Variants in FHIT observed in about 807,000 individuals in gnomAD.
The protein encoded by FHIT is bis(5'-adenosyl)-triphosphatase.
Under a neutral mutation model 17.9 loss-of-function variants are expected in FHIT, and 19 were observed. The ratio of observed to expected loss-of-function variants is 1.06; its 90% CI spans 0.74 to 1.56. FHIT has a LOEUF of 1.56. Ranked by LOEUF, FHIT falls within the 40% of genes most tolerant of loss-of-function variation. The pLI is 0.00. For missense variants in FHIT, 248 were observed against 189.2 expected, an observed-to-expected ratio of 1.31 and a Z score of -1.82; for synonymous variants, 81 against 69.7, an observed-to-expected ratio of 1.16 and a Z score of -0.81.
At chr3:60,607,519 C>A (rs1231519436) in intron 4 of FHIT, among the ~76,000 whole-genome samples, 1 of 151,856 alleles carries the variant, frequency 6.6e-6, no homozygotes, top group Admixed American at 6.6e-5. Context: ...CAGAGCAACT[C>A]ATCAGGGTGA....
intron 7 of FHIT, among the ~76,000 whole-genome samples, chr3:59,961,125 T>C (rs3772464): frequency 0.22 from 32,715 of 152,098 alleles, 4,305 homozygotes; most frequent in East Asian, 0.48. Context: ...AAATTTACCA[T>C]GACTAATTGG....
intron 3 of FHIT, among the ~76,000 whole-genome samples, chr3:60,906,759 G>A (rs1553764664): frequency 6.6e-6 from 1 of 152,120 alleles, no homozygotes; most frequent in Non-Finnish European, 1.5e-5. Context: ...TGAGCTGTGT[G>A]CTTATAATTT....
intron 5 of FHIT, among the ~76,000 whole-genome samples, chr3:60,129,258 G>C (rs1699417424): frequency 6.6e-6 from 1 of 151,902 alleles, no homozygotes; most frequent in South Asian, 2.1e-4. Flanking sequence ...TCACCATGTT[G>C]GCAGGGATGG....
chr3:60,133,928 T>C (rs1699702340), intron 5 of FHIT, among the ~76,000 whole-genome samples: 1 of 151,902 alleles, frequency 6.6e-6, no homozygotes, highest in South Asian at 2.1e-4. Context: ...TGTCATTCAA[T>C]CTAAAATCAG....
intron 2 of FHIT, among the ~76,000 whole-genome samples, chr3:61,172,236 A>T (rs2038026645): frequency 6.6e-6 from 1 of 152,244 alleles, no homozygotes; most frequent in Non-Finnish European, 1.5e-5. Flanking sequence ...CAACTATGCA[A>T]GAGCATATAT....
chr3:60,358,024 T>G (rs1699749130), intron 5 of FHIT, among the ~76,000 whole-genome samples: 1 of 152,186 alleles, frequency 6.6e-6, no homozygotes, highest in Non-Finnish European at 1.5e-5. Context: ...ACCTCTGGAA[T>G]CAAAACTCAG....
intron 5 of FHIT, among the ~76,000 whole-genome samples, chr3:60,379,429 CATTA>C (rs775962272): frequency 5.3e-5 from 8 of 151,982 alleles, no homozygotes; most frequent in Non-Finnish European, 1.0e-4. Flanking sequence ...TAATCTGAAA[CATTA>C]ATTAAATATG....
intron 5 of FHIT, among the ~76,000 whole-genome samples, chr3:60,463,424 A>C (rs189169326): frequency 2.0e-5 from 3 of 152,352 alleles, no homozygotes; most frequent in Admixed American, 2.0e-4. Context: ...CTAACCAATG[A>C]AACACTAACT....
intron 2 of FHIT, among the ~76,000 whole-genome samples, chr3:61,168,750 A>C (rs903612943): frequency 1.3e-5 from 2 of 152,224 alleles, no homozygotes; most frequent in Admixed American, 1.3e-4. Flanking sequence ...GTTCAAGTGC[A>C]TACGCTCAAT....
intron 1 of FHIT, among the ~76,000 whole-genome samples, chr3:61,204,606 T>C (rs548481535): frequency 6.6e-6 from 1 of 150,866 alleles, no homozygotes; most frequent in Non-Finnish European, 1.5e-5. Context: ...GGAATCAGGG[T>C]AAGTACATCT....
chr3:60,670,932 T>C (rs1466401553), intron 4 of FHIT, among the ~76,000 whole-genome samples: 1 of 152,192 alleles, frequency 6.6e-6, no homozygotes, highest in African/African-American at 2.4e-5. Context: ...CCAACCTGTG[T>C]CATATTCTCA....
chr3:60,717,926 T>C (rs1412477096), intron 4 of FHIT, among the ~76,000 whole-genome samples: 1 of 152,188 alleles, frequency 6.6e-6, no homozygotes, highest in African/African-American at 2.4e-5. Context: ...CTTAGGATAC[T>C]CAGGCATCAT....
At chr3:60,515,696 G>A (rs1032274957) in intron 5 of FHIT, among the ~76,000 whole-genome samples, 2 of 152,080 alleles carry the variant, frequency 1.3e-5, no homozygotes, top group Admixed American at 1.3e-4. Context: ...CAATAATGGA[G>A]CTTATATTTG....
chr3:59,885,762 C>A (rs543557582), intron 8 of FHIT, among the ~76,000 whole-genome samples: 2 of 152,134 alleles, frequency 1.3e-5, no homozygotes, highest in Non-Finnish European at 2.9e-5. Context: ...AGGACATGAG[C>A]GCTGCTTTCA....
chr3:59,905,405 G>T (rs2107106597), intron 8 of FHIT, among the ~76,000 whole-genome samples: 1 of 152,292 alleles, frequency 6.6e-6, no homozygotes, highest in South Asian at 2.1e-4. Flanking sequence ...ACATTTTATG[G>T]TAGAAGGGCA....
At chr3:59,892,678 T>C (rs1302707036) in intron 8 of FHIT, among the ~76,000 whole-genome samples, 1 of 152,192 alleles carries the variant, frequency 6.6e-6, no homozygotes, top group African/African-American at 2.4e-5. Flanking sequence ...GGGATATGTT[T>C]AATCACCTCT....
At chr3:60,731,605 T>C (rs1017391972) in intron 4 of FHIT, among the ~76,000 whole-genome samples, 1 of 152,154 alleles carries the variant, frequency 6.6e-6, no homozygotes. Context: ...ATGCTTCCCT[T>C]ACCTATCAAG....
chr3:60,881,544 C>G (rs1704979374), intron 3 of FHIT, among the ~76,000 whole-genome samples: 1 of 152,090 alleles, frequency 6.6e-6, no homozygotes, highest in South Asian at 2.1e-4. Flanking sequence ...CAAAATAAGT[C>G]TCGACAAATT....
At chr3:60,741,045 A>T (rs1281090469) in intron 4 of FHIT, among the ~76,000 whole-genome samples, 1 of 152,236 alleles carries the variant, frequency 6.6e-6, no homozygotes, top group East Asian at 1.9e-4. Flanking sequence ...CCAGGGACAT[A>T]TATATTTTGG....
Sources: allele counts gnomAD v4.1 joint callset (sites outside exome capture counted in the v4.1 genomes callset), GRCh38; gene constraint gnomAD v4.1.1; transcripts MANE v1.5; gene names NCBI Gene and HGNC (gene_info 2026-07-23, HGNC 2026-07-21).